The following NTRK3 variants were observed in gnomAD, a reference collection of about 807,000 sequenced individuals.
The protein encoded by NTRK3 is neurotrophic receptor tyrosine kinase 3, also known as NT-3 growth factor receptor.
In NTRK3, 24 loss-of-function variants were observed where a neutral mutation model predicts 91.7. The observed-to-expected ratio is 0.26, with a 90% CI of 0.19 to 0.37. The LOEUF (loss-of-function observed/expected upper bound fraction) is 0.37, where lower values mean the gene tolerates loss of function less well. Among genes scored for constraint, NTRK3 ranks in the 10% least tolerant of loss-of-function variants. The probability of loss-of-function intolerance (pLI) is 1.00; values close to 1 mark genes in which losing one functional copy is unlikely to be tolerated. For missense variants in NTRK3, 880 were observed against 1,068.9 expected (o/e 0.82, Z 2.46); for synonymous variants, 483 against 404.0 (o/e 1.20, Z -2.34).
chr15:88,050,038 T>C (rs2080663262), intron 13 of NTRK3, among the ~76,000 whole-genome samples: 1 of 152,208 alleles, frequency 6.6e-6, no homozygotes, highest in Non-Finnish European at 1.5e-5. Flanking sequence ...TATTTTCACA[T>C]AATAGTATCT....
chr15:88,238,556 T>C (rs1297633283), intron 3 of NTRK3, among the ~76,000 whole-genome samples: 1 of 152,182 alleles, frequency 6.6e-6, no homozygotes, highest in Admixed American at 6.5e-5. Context: ...TGTCACGAAA[T>C]TGGTTTGTAT....
intron 13 of NTRK3, among the ~76,000 whole-genome samples, chr15:88,098,372 G>C (rs184115016): frequency 1.3e-5 from 2 of 152,190 alleles, no homozygotes; most frequent in Non-Finnish European, 2.9e-5. Context: ...GCTGGACTAC[G>C]CATGCCATCA....
chr15:88,205,278 C>A (rs2048644613), intron 3 of NTRK3, among the ~76,000 whole-genome samples: 1 of 152,092 alleles, frequency 6.6e-6, no homozygotes, highest in Admixed American at 6.5e-5. Flanking sequence ...ACAGACTTCC[C>A]TGGTTCAAGA....
At chr15:88,043,692 A>G (rs140098457) in intron 13 of NTRK3, among the ~76,000 whole-genome samples, 74 of 152,360 alleles carry the variant, frequency 4.9e-4, no homozygotes, top group African/African-American at 1.7e-3. Flanking sequence ...GAAATCTAAT[A>G]TCTAAAACCC....
chr15:88,151,606 A>G (rs907079074), intron 5 of NTRK3, among the ~76,000 whole-genome samples: 2 of 152,294 alleles, frequency 1.3e-5, no homozygotes, highest in African/African-American at 2.4e-5. Context: ...GGTCAATAAG[A>G]CGGACCCTGT....
At chr15:87,894,684 C>T (rs772963632) in intron 17 of NTRK3, among the ~76,000 whole-genome samples, 6 of 152,162 alleles carry the variant, frequency 3.9e-5, no homozygotes, top group Non-Finnish European at 7.3e-5. Context: ...TGGAATGAAC[C>T]TTTCTCACTG....
At chr15:88,137,244 G>A (rs1013060631) in intron 7 of NTRK3, among the ~76,000 whole-genome samples, 160 bp downstream of exon 7, 2 of 152,236 alleles carry the variant, frequency 1.3e-5, no homozygotes, top group African/African-American at 2.4e-5. Context: ...CCAAGAAGGG[G>A]AATGATGAGT....
At chr15:88,136,607 G>C in exon 8 of NTRK3, 1 of 1,612,352 alleles carries the variant, frequency 6.2e-7, no homozygotes. Flanking sequence ...ATCTCAGGAA[G>C]GTCTGGGAGC....
At chr15:87,933,292 A>G in intron 15 of NTRK3, 108 bp from the exon 16 acceptor site, 1 of 1,007,176 alleles carries the variant, frequency 9.9e-7, no homozygotes, top group Non-Finnish European at 1.5e-6. Flanking sequence ...ACCAATAAAT[A>G]TGAATCTAAA....
intron 14 of NTRK3, among the ~76,000 whole-genome samples, chr15:87,976,941 C>A (rs1428762098): frequency 1.3e-5 from 2 of 151,732 alleles, no homozygotes; most frequent in African/African-American, 4.8e-5. Context: ...CTCAGACCCC[C>A]ATATATCAGC....
At chr15:88,064,910 A>G (rs1160753905) in intron 13 of NTRK3, among the ~76,000 whole-genome samples, 1 of 152,182 alleles carries the variant, frequency 6.6e-6, no homozygotes, top group East Asian at 1.9e-4. Context: ...AAGTAAGAAT[A>G]ATACTTTCAG....
At chr15:88,091,203 G>A (rs758967979) in intron 13 of NTRK3, among the ~76,000 whole-genome samples, 1 of 152,172 alleles carries the variant, frequency 6.6e-6, no homozygotes, top group African/African-American at 2.4e-5. Flanking sequence ...TAGACCTTTT[G>A]TTAACGGATG....
At chr15:87,946,100 T>C (rs1596350199) in intron 14 of NTRK3, 2 of 152,284 alleles carry the variant, frequency 1.3e-5, no homozygotes, top group South Asian at 2.1e-4. Context: ...TGAAAAGAAA[T>C]GTGGAGAAGG....
chr15:87,964,931 C>T (rs1055708662), intron 14 of NTRK3, among the ~76,000 whole-genome samples: 2 of 152,150 alleles, frequency 1.3e-5, no homozygotes, highest in South Asian at 2.1e-4. Flanking sequence ...ATGAAAAATG[C>T]TGCTATGAAC....
intron 13 of NTRK3, among the ~76,000 whole-genome samples, chr15:88,068,617 AC>A (rs1397708620): frequency 6.6e-6 from 1 of 152,204 alleles, no homozygotes; most frequent in East Asian, 1.9e-4. Context: ...TGTGAGGTCA[AC>A]AAAAGCTGAA....
chr15:88,007,560 A>G (rs1596655715), intron 14 of NTRK3, among the ~76,000 whole-genome samples: 1 of 152,224 alleles, frequency 6.6e-6, no homozygotes, highest in South Asian at 2.1e-4. Context: ...CACACCCACA[A>G]GGATCTGTTG....
chr15:88,206,714 G>A (rs1031661974), intron 3 of NTRK3, among the ~76,000 whole-genome samples: 13 of 150,176 alleles, frequency 8.7e-5, no homozygotes, highest in African/African-American at 3.2e-4. Flanking sequence ...TCCTGGTTCT[G>A]AGGAGAAACC....
intron 13 of NTRK3, among the ~76,000 whole-genome samples, chr15:88,101,385 G>A (rs936614714): frequency 6.6e-6 from 1 of 152,196 alleles, no homozygotes; most frequent in African/African-American, 2.4e-5. Flanking sequence ...TGGAAAGGAT[G>A]TGGAGAAATA....
At chr15:88,129,721 G>A (rs900486136) in intron 10 of NTRK3, among the ~76,000 whole-genome samples, 2 of 152,188 alleles carry the variant, frequency 1.3e-5, no homozygotes, top group African/African-American at 4.8e-5. Flanking sequence ...ACAGGGCACA[G>A]GAGCCAATGT....
Sources: gnomAD v4.1 joint callset for allele counts (sites outside exome capture counted in the v4.1 genomes callset) on GRCh38, gnomAD v4.1.1 for gene constraint, MANE v1.5 for transcripts, NCBI Gene and HGNC (gene_info 2026-07-23, HGNC 2026-07-21) for gene names.